MBP: variants seen among roughly 807,000 people sequenced by gnomAD.
The protein encoded by MBP is Golli-MBP.
In MBP, 16 loss-of-function variants were observed where a neutral mutation model predicts 35.8. The observed-to-expected ratio is 0.45, with a 90% CI of 0.30 to 0.68. The LOEUF (loss-of-function observed/expected upper bound fraction) is 0.68. MBP is among the 30% of genes least tolerant of loss of function. MBP has a pLI of 0.08. For missense variants in MBP, 380 were observed against 404.7 expected (o/e 0.94, Z 0.52); for synonymous variants, 143 against 159.6 (o/e 0.90, Z 0.78).
intron 2 of MBP, among the ~76,000 whole-genome samples, chr18:77,082,967 G>A (rs552782575): frequency 1.4e-4 from 15 of 103,842 alleles, no homozygotes; most frequent in South Asian, 4.4e-4. Context: ...ATTCTGCTTC[G>A]GGATAGAGTA....
chr18:77,026,548 T>C (rs988325793), intron 3 of MBP, among the ~76,000 whole-genome samples: 1 of 152,162 alleles, frequency 6.6e-6, no homozygotes, highest in Admixed American at 6.5e-5. Flanking sequence ...CCCCTTTTAT[T>C]AGAGATCTCA....
Position 77,018,564 on chromosome 18 carries a change from C to T in MBP, c.140-1296G>A, listed in dbSNP as rs111164270. Among the ~76,000 whole-genome samples the T allele has an allele frequency of 4.2e-3, 609 of 146,230 alleles. 1 individual carries two copies. Among genetic ancestry groups the T allele is most frequent in the Non-Finnish European group, 7.3e-3 (487 of 66,688 alleles). ...ACCCATCCATCTATCCATCCCCCAT[C>T]CACTCATCCATCCATTCATCCATCC... On this transcript the variant is annotated intron_variant, in intron 3 of 8. Coordinates refer to ENST00000355994, the MANE Select transcript of MBP (RefSeq NM_001025101.2).
rs565301295 is a variant in MBP, at chr18:77,044,872, T to C, written c.139+21426A>G. Among the ~76,000 whole-genome samples the C allele has an allele frequency of 3.9e-4, 59 of 151,314 alleles. No homozygotes were observed. The highest frequency in any genetic ancestry group is 7.1e-4 in the Non-Finnish European group (48 of 67,936). On this transcript the variant is annotated intron_variant, in intron 3 of 8. Coordinates refer to ENST00000355994, the MANE Select transcript of MBP (RefSeq NM_001025101.2). The surrounding 1 kb of genome is among the most constrained non-coding windows in gnomAD (Gnocchi z 4.4). ...AGGATGACTGTAAGGTTGTTGTCTG[T>C]TGTATCCTGTGTGTAAGTGTGTGTG...
At chr18:77,118,644 CACCACACACACACACACACTACAT>C (rs1195693821) in intron 1 of MBP, among the ~76,000 whole-genome samples, 4,540 of 110,762 alleles carry the variant, frequency 0.041, 256 homozygotes, top group African/African-American at 0.13. Flanking sequence ...ACACACTACA[CACCACACACACACACACACTACAT>C]ACCACACACA....
At chr18:77,016,518 A>C in intron 4 of MBP, 3 of 1,222,106 alleles carry the variant, frequency 2.5e-6, no homozygotes, top group Non-Finnish European at 3.1e-6. Context: ...AGACCCTGAG[A>C]ATGTGGCTCT....
rs887714499 is a variant in MBP, at chr18:76,988,139, C to T, written c.750+356G>A. The T allele has an allele frequency of 2.1e-5, 32 of 1,530,658 alleles. No individual in the cohort carries two copies. The East Asian group carries it at 7.9e-4, about 38-fold the overall frequency. 94.8% of individuals were successfully genotyped at this position (1,530,658 alleles called of 1,614,324 possible). A position where few individuals can be genotyped will look rare whatever the true frequency, so the allele number is the denominator to read the frequency against. ...CACTTCCACATGCGGGTTCCTGGGG[C>T]TTCTCGCACTGGTTGTGTTGGAGGA... is the stretch of plus-strand genomic sequence containing the variant. On this transcript the variant is annotated intron_variant, in intron 7 of 8. Coordinates refer to ENST00000355994, the MANE Select transcript of MBP (RefSeq NM_001025101.2). The surrounding 1 kb of genome is among the most constrained non-coding windows in gnomAD (Gnocchi z 5.2).
chr18:76,988,437 C>T lies in MBP; in HGVS notation c.750+58G>A, dbSNP rs748524636. On this transcript the variant is annotated intron_variant, in intron 7 of 8. Transcript: ENST00000355994. The surrounding 1 kb of genome is among the most constrained non-coding windows in gnomAD (Gnocchi z 5.2). Reference sequence around the variant, plus strand: ...GAAACAGAGCAGAACACAAAAGTTGCGGGGCTGTGAGGACTGGGACGGAAG... The same window carrying T: ...GAAACAGAGCAGAACACAAAAGTTGTGGGGCTGTGAGGACTGGGACGGAAG... 5 of 1,614,124 alleles carry T rather than the reference C, an allele frequency of 3.1e-6. No individual in the cohort carries two copies. Among genetic ancestry groups the T allele is most frequent in the East Asian group, 2.2e-5 (1 of 44,882 alleles).
In MBP at chr18:77,018,630, A is replaced by T. The variant is rs549405505; in HGVS notation, c.140-1362T>A. On this transcript the variant is annotated intron_variant, in intron 3 of 8. Coordinates refer to ENST00000355994, the MANE Select transcript of MBP (RefSeq NM_001025101.2). ...TATCCACTCATCCATCCATCCATCC[A>T]TCCATCCATCCACATATCAGTCCAT... 8.2e-5 allele frequency among the ~76,000 whole-genome samples: 12 copies of T among 145,876 alleles called. 1 individual carries two copies. The South Asian group carries it at 2.7e-3, about 33-fold the overall frequency.
chr18:77,065,457 T>G (rs146063829), intron 3 of MBP, among the ~76,000 whole-genome samples: 26 of 152,322 alleles, frequency 1.7e-4, no homozygotes, highest in African/African-American at 6.0e-4. Flanking sequence ...TTTAGGGGGT[T>G]AAGCTTCCAA....
At chr18:77,086,098 C>T (rs956425616) in intron 2 of MBP, among the ~76,000 whole-genome samples, 2 of 152,180 alleles carry the variant, frequency 1.3e-5, no homozygotes, top group South Asian at 2.1e-4. Context: ...AAACTCAGAA[C>T]GCAAAATGGA....
intron 1 of MBP, chr18:77,108,830 C>G (rs1422211855): frequency 2.0e-5 from 3 of 152,244 alleles, no homozygotes; most frequent in Non-Finnish European, 4.4e-5. Context: ...GGAACAAACA[C>G]CTTGTTCCTA....
intron 7 of MBP, chr18:76,987,033 A>G: frequency 1.0e-6 from 1 of 985,010 alleles, no homozygotes; most frequent in Non-Finnish European, 1.2e-6. Flanking sequence ...TTGCTTTGGA[A>G]AAAAGAGAAA....
chr18:77,096,512 A>G (rs932565961), intron 2 of MBP, among the ~76,000 whole-genome samples: 1 of 152,082 alleles, frequency 6.6e-6, no homozygotes, highest in African/African-American at 2.4e-5. Context: ...CCAATAAGTT[A>G]CTCTCCACTG....
chr18:77,087,838 G>A (rs1196968562), intron 2 of MBP, among the ~76,000 whole-genome samples: 2 of 152,124 alleles, frequency 1.3e-5, no homozygotes, highest in African/African-American at 2.4e-5. Context: ...ACGCACGTGG[G>A]CTGGGATCCC....
intron 2 of MBP, among the ~76,000 whole-genome samples, chr18:77,080,667 C>T (rs1974854808): frequency 6.6e-6 from 1 of 152,056 alleles, no homozygotes; most frequent in Non-Finnish European, 1.5e-5. Context: ...TTCATAAACA[C>T]ACTTTTTATA....
intron 3 of MBP, chr18:77,017,502 G>A (rs1016592801): frequency 2.9e-5 from 11 of 378,172 alleles, no homozygotes; most frequent in African/African-American, 1.9e-4. Context: ...TTGGCACCCA[G>A]CGTAAAATGC....
At chr18:77,107,086 T>G (rs1384160188) in intron 1 of MBP, among the ~76,000 whole-genome samples, 1 of 152,214 alleles carries the variant, frequency 6.6e-6, no homozygotes, top group Non-Finnish European at 1.5e-5. Context: ...CCATGTGGTG[T>G]TGTTTTAACT....
chr18:77,042,161 T>C (rs1019926260), intron 3 of MBP, among the ~76,000 whole-genome samples: 1 of 152,216 alleles, frequency 6.6e-6, no homozygotes, highest in Non-Finnish European at 1.5e-5. Context: ...GTTTTGCTGC[T>C]GAATACATGC....
chr18:77,030,305 A>T lies in MBP; in HGVS notation c.140-13037T>A, dbSNP rs1050956636. ...AGAAAGTACTGGAAGGAGACCCAAGAGCCCATGGTACTATTCACGTAGGGA... is the reference window on the plus strand; with the variant it reads ...AGAAAGTACTGGAAGGAGACCCAAGTGCCCATGGTACTATTCACGTAGGGA... On this transcript the variant is annotated intron_variant, in intron 3 of 8. Transcript: ENST00000355994. Among the ~76,000 whole-genome samples the T allele has an allele frequency of 2.0e-5, 3 of 152,292 alleles. No individual in the cohort carries two copies. In the South Asian group the frequency reaches 6.2e-4, roughly 32 times the overall value.
Sources: allele counts gnomAD v4.1 joint callset (sites outside exome capture counted in the v4.1 genomes callset), GRCh38; gene constraint gnomAD v4.1.1; non-coding constraint Gnocchi (gnomAD v3.1); transcripts MANE v1.5; gene names NCBI Gene and HGNC (gene_info 2026-07-23, HGNC 2026-07-21).